The following GPC5 variants were observed in gnomAD, a reference collection of about 807,000 sequenced individuals.
GPC5 encodes the protein glypican 5.
Under a neutral mutation model 53.9 loss-of-function variants are expected in GPC5, and 47 were observed. The observed-to-expected ratio is 0.87, with a 90% confidence interval of 0.69 to 1.11. The LOEUF is 1.11. GPC5 is among the 50% of genes most tolerant of loss of function. The probability of loss-of-function intolerance (pLI) is 0.00; values close to 1 mark genes in which losing one functional copy is unlikely to be tolerated. For synonymous variants in GPC5, 286 were observed against 263.3 expected, an observed-to-expected ratio of 1.09 and a Z score of -0.84; for missense variants, 748 against 713.1, an observed-to-expected ratio of 1.05 and a Z score of -0.56.
At chr13:91,745,484 T>C (rs1212675821) in intron 4 of GPC5, among the ~76,000 whole-genome samples, 2 of 152,106 alleles carry the variant, frequency 1.3e-5, no homozygotes, top group Non-Finnish European at 2.9e-5. Context: ...CCTATTACTT[T>C]CCCTGTTGCT....
rs190364908 is a variant in GPC5 at position 92,703,630 on chromosome 13, T to A, written c.1562-162652T>A. ...TATTAAAATTGATGTATAATTTTTT[T>A]ATATTTATAAGATGTTATAAGTTTA... On this transcript the variant is annotated intron_variant, in intron 7 of 7. Coordinates refer to ENST00000377067, the MANE Select transcript of GPC5 (RefSeq NM_004466.6). Among the ~76,000 whole-genome samples the A allele has an allele frequency of 2.4e-3, 362 of 150,026 alleles. 1 individual carries two copies. The highest frequency in any genetic ancestry group is 8.6e-3 in the African/African-American group (356 of 41,274).
In GPC5 at chr13:91,693,299, T is replaced by C. The variant is rs2035798057; in HGVS notation, c.438T>C (p.Thr146=). The C allele has an allele frequency of 6.2e-7, 1 of 1,614,148 alleles. No individual in the cohort carries two copies. Among genetic ancestry groups the C allele is most frequent in the African/African-American group, 1.3e-5 (1 of 75,038 alleles). The part of the protein sequence containing the change: ...EAAASVQEFF[T]DVGLYLFGAD... ...CTGCTTCGGTTCAGGAGTTCTTCAC[T>C]GATGTGGGGCTGTATTTATTTGGTG... The change falls in exon 3 of 8, where the codon ACT becomes ACC. Residue 146 remains threonine (T), a synonymous_variant. Coordinates refer to ENST00000377067, the MANE Select transcript of GPC5 (RefSeq NM_004466.6).
intron 7 of GPC5, among the ~76,000 whole-genome samples, chr13:92,487,493 T>C (rs1566612367): frequency 6.6e-6 from 1 of 152,172 alleles, no homozygotes; most frequent in Non-Finnish European, 1.5e-5. Context: ...ATAATACTTA[T>C]CTATAAGATG....
chr13:91,866,626 C>A (rs1173321446), intron 5 of GPC5, among the ~76,000 whole-genome samples: 1 of 152,096 alleles, frequency 6.6e-6, no homozygotes, highest in Non-Finnish European at 1.5e-5. Context: ...GATACTAGTG[C>A]CATATTTGTA....
chr13:91,943,654 G>A (rs929780043), intron 6 of GPC5, among the ~76,000 whole-genome samples: 3 of 152,114 alleles, frequency 2.0e-5, no homozygotes, highest in Non-Finnish European at 4.4e-5. Flanking sequence ...CCTGGTAGAA[G>A]TTTCACTAAT....
chr13:92,028,741 A>G (rs766281133), intron 6 of GPC5, among the ~76,000 whole-genome samples: 3 of 152,226 alleles, frequency 2.0e-5, no homozygotes, highest in Non-Finnish European at 4.4e-5. Flanking sequence ...ATCTGTGGTA[A>G]GAATGAGATA....
intron 7 of GPC5, among the ~76,000 whole-genome samples, chr13:92,507,223 T>C (rs1269928376): frequency 2.6e-5 from 4 of 152,204 alleles, no homozygotes; most frequent in Non-Finnish European, 5.9e-5. Flanking sequence ...CCACCGTTTG[T>C]CTTCACAGTA....
At chr13:92,753,427 C>T (rs896654440) in intron 7 of GPC5, among the ~76,000 whole-genome samples, 3 of 152,184 alleles carry the variant, frequency 2.0e-5, no homozygotes, top group Non-Finnish European at 2.9e-5. Context: ...GAGCACCTCT[C>T]CTCCTCCAAA....
intron 5 of GPC5, among the ~76,000 whole-genome samples, chr13:91,791,432 T>C (rs940802871): frequency 6.6e-6 from 1 of 152,180 alleles, no homozygotes; most frequent in Non-Finnish European, 1.5e-5. Flanking sequence ...GAGTCTCTCA[T>C]TGGCTACACC....
At position 92,168,489 on chromosome 13, in the gene GPC5, A is replaced by G. The variant is rs118039952; in HGVS notation, c.1561+23500A>G. Among the ~76,000 whole-genome samples, 332 of 152,322 alleles carry G rather than the reference A, an allele frequency of 2.2e-3. 11 individuals are homozygous for G. The East Asian group carries it at 0.058, about 27-fold the overall frequency. ...TCTATAAGAAACTTAAATTTACAAG[A>G]AAAAAGCAAACAGTGCCATTAAAAA... is the stretch of plus-strand genomic sequence containing the variant. On this transcript the variant is annotated intron_variant, in intron 7 of 7. Transcript: ENST00000377067.
intron 7 of GPC5, among the ~76,000 whole-genome samples, chr13:92,499,555 T>C (rs926542244): frequency 1.3e-5 from 2 of 152,160 alleles, no homozygotes; most frequent in African/African-American, 4.8e-5. Context: ...TGAAGAAGGC[T>C]GTGTATTTTT....
chr13:92,473,965 C>A (rs1002849605), intron 7 of GPC5, among the ~76,000 whole-genome samples: 5 of 152,066 alleles, frequency 3.3e-5, no homozygotes, highest in African/African-American at 1.2e-4. Flanking sequence ...GCCTTTGAAG[C>A]AATATCAGGA....
chr13:91,460,597 G>A (rs1411119227), intron 2 of GPC5, among the ~76,000 whole-genome samples: 1 of 151,828 alleles, frequency 6.6e-6, no homozygotes, highest in African/African-American at 2.4e-5. Flanking sequence ...CCACCATGCT[G>A]GGCTGATATA....
At chr13:92,663,252 G>GA in intron 7 of GPC5, among the ~76,000 whole-genome samples, 1 of 151,846 alleles carries the variant, frequency 6.6e-6, no homozygotes, top group East Asian at 1.9e-4. Flanking sequence ...AATAGTGTGG[G>GA]AAAAATTTAA....
chr13:92,321,078 A>T (rs2139222856), intron 7 of GPC5, among the ~76,000 whole-genome samples: 1 of 152,170 alleles, frequency 6.6e-6, no homozygotes, highest in Non-Finnish European at 1.5e-5. Flanking sequence ...TGTGGAAGAT[A>T]TCTCTGGAGT....
intron 7 of GPC5, among the ~76,000 whole-genome samples, chr13:92,419,144 A>C (rs2139359728): frequency 6.6e-6 from 1 of 152,342 alleles, no homozygotes; most frequent in Middle Eastern, 3.4e-3. Context: ...TTTACTCATA[A>C]AAATCAATAA....
At chr13:91,624,247 A>T (rs375532734) in intron 2 of GPC5, among the ~76,000 whole-genome samples, 1 of 152,158 alleles carries the variant, frequency 6.6e-6, no homozygotes, top group African/African-American at 2.4e-5. Context: ...TATTCTATTT[A>T]TGAGAAGCCC....
chr13:92,622,153 G>A (rs1328867170), intron 7 of GPC5, among the ~76,000 whole-genome samples: 1 of 152,138 alleles, frequency 6.6e-6, no homozygotes, highest in Non-Finnish European at 1.5e-5. Context: ...AAGAAAGTAT[G>A]GAGGAAATAG....
chr13:91,734,141 G>A (rs139282387), intron 4 of GPC5, among the ~76,000 whole-genome samples: 17,662 of 151,114 alleles, frequency 0.12, 1,399 homozygotes, highest in Non-Finnish European at 0.16. Flanking sequence ...ATTGATTTGC[G>A]TATGTTGAAC....
Sources: allele counts gnomAD v4.1 joint callset (sites outside exome capture counted in the v4.1 genomes callset), GRCh38; gene constraint gnomAD v4.1.1; transcripts MANE v1.5; gene names NCBI Gene and HGNC (gene_info 2026-07-23, HGNC 2026-07-21).